Variants in SPATA31C1 observed in about 807,000 individuals in gnomAD.
SPATA31C1 encodes the protein spermatogenesis-associated protein 31C1.
rs761145788 is a variant in SPATA31C1, at chr9:87,922,422, A to T, written n.2812A>T. On this transcript the variant is annotated non_coding_transcript_exon_variant, in exon 5 of 5. Coordinates refer to ENST00000420021, the Ensembl canonical transcript of SPATA31C1. Reference sequence around the variant, plus strand: ...TGGTTTCAAGGCTCCAGGCGCCAGCAAAAGCTCTCTACTCCCTAGAATGTC... The same window carrying T: ...TGGTTTCAAGGCTCCAGGCGCCAGCTAAAGCTCTCTACTCCCTAGAATGTC... The T allele has an allele frequency of 6.8e-6, 11 of 1,610,220 alleles. No homozygotes were observed. The African/African-American group carries it at 9.4e-5, about 14-fold the overall frequency.
exon 5 of SPATA31C1, chr9:87,921,903 G>C: frequency 3.1e-6 from 5 of 1,611,992 alleles, no homozygotes; most frequent in Non-Finnish European, 4.2e-6. Flanking sequence ...ACACAGGTGG[G>C]GTCTACCCCT....
intron 4 of SPATA31C1, 65 bp from the exon 4 acceptor site, chr9:87,920,187 C>A: frequency 6.2e-7 from 1 of 1,604,184 alleles, no homozygotes; most frequent in Non-Finnish European, 8.5e-7. Context: ...GTGGCCCAAG[C>A]GCCCACTCTG....
At chr9:87,920,358 C>G (rs755494100) in exon 5 of SPATA31C1, 10 of 1,613,858 alleles carry the variant, frequency 6.2e-6, no homozygotes, top group Non-Finnish European at 8.5e-6. Context: ...CCGGTCCTCT[C>G]ATGAGCCTAT....
chr9:87,922,169 C>A, exon 5 of SPATA31C1: 3 of 1,613,244 alleles, frequency 1.9e-6, no homozygotes, highest in Non-Finnish European at 2.5e-6. Context: ...CGCGAGGGAT[C>A]CCATCTTCAA....
At chr9:87,921,776 C>A in exon 5 of SPATA31C1, 1 of 1,612,030 alleles carries the variant, frequency 6.2e-7, no homozygotes, top group Non-Finnish European at 8.5e-7. Flanking sequence ...TGAAAACCAG[C>A]AATCTAGCAG....
At chr9:87,921,818 A>G in exon 5 of SPATA31C1, 1 of 1,612,066 alleles carries the variant, frequency 6.2e-7, no homozygotes. Context: ...GTGTAAACAC[A>G]GCCCAGGTGC....
exon 5 of SPATA31C1, chr9:87,921,107 T>G (rs1418830863): frequency 6.2e-7 from 1 of 1,611,620 alleles, no homozygotes; most frequent in Admixed American, 1.7e-5. Flanking sequence ...TACCTGAAAC[T>G]CAGCACCCTG....
chr9:87,920,603 T>C (rs1648048293), exon 5 of SPATA31C1: 2 of 1,613,552 alleles, frequency 1.2e-6, no homozygotes, highest in Non-Finnish European at 8.5e-7. Flanking sequence ...CTCCACCTCC[T>C]CCGAAAGGCT....
chr9:87,916,476 C>T (rs1161446901), intron 1 of SPATA31C1, among the ~76,000 whole-genome samples: 28 of 148,912 alleles, frequency 1.9e-4, no homozygotes, highest in Admixed American at 4.0e-4. Flanking sequence ...AAGTGCAAAC[C>T]ACACCTGATA....
At chr9:87,921,520 T>A in exon 5 of SPATA31C1, 6 of 1,611,882 alleles carry the variant, frequency 3.7e-6, no homozygotes, top group Non-Finnish European at 5.1e-6. Context: ...TCCAGGGGCA[T>A]GGAAAGCTTC....
At chr9:87,922,895 G>C (rs767003629) in exon 5 of SPATA31C1, 41 of 1,605,302 alleles carry the variant, frequency 2.6e-5, no homozygotes, top group Non-Finnish European at 3.4e-5. Flanking sequence ...ACACCCGTCA[G>C]AATGAAGGCG....
At chr9:87,920,375 T>G in exon 5 of SPATA31C1, 2 of 1,548,332 alleles carry the variant, frequency 1.3e-6, no homozygotes, top group African/African-American at 1.8e-5. Context: ...CTATGGAAGA[T>G]GCTGCTCCCA....
chr9:87,921,557 T>G (rs1174709806), exon 5 of SPATA31C1: 2 of 1,611,874 alleles, frequency 1.2e-6, no homozygotes, highest in African/African-American at 1.3e-5. Context: ...GGGCGACCTC[T>G]GAGGAGTCAG....
chr9:87,921,383 C>T (rs773408163), exon 5 of SPATA31C1: 16 of 1,611,668 alleles, frequency 9.9e-6, no homozygotes, highest in Admixed American at 3.3e-5. Context: ...AGGGCAAACC[C>T]AGGCCCTGGC....
At chr9:87,921,945 C>G in exon 5 of SPATA31C1, 2 of 1,612,328 alleles carry the variant, frequency 1.2e-6, no homozygotes, top group Non-Finnish European at 1.7e-6. Context: ...GTGCTTTCAA[C>G]TGGAAAAGGT....
At chr9:87,919,344 G>A (rs1564138592) in exon 3 of SPATA31C1, 6 of 1,602,648 alleles carry the variant, frequency 3.7e-6, no homozygotes, top group African/African-American at 2.7e-5. Context: ...ACCACAGTCT[G>A]AGAGGTAAGG....
In SPATA31C1 at chr9:87,921,120, A is replaced by T. The variant is rs1300520736; in HGVS notation, n.1510A>T. ...CTTACCTGAAACTCAGCACCCTGAA[A>T]GGCCTTTGTTGAGGAAACAACTAGA... On this transcript the variant is annotated non_coding_transcript_exon_variant, in exon 5 of 5. Coordinates refer to ENST00000420021, the Ensembl canonical transcript of SPATA31C1. The T allele has an allele frequency of 2.5e-6, 4 of 1,611,666 alleles. No individual in the cohort carries two copies. The African/African-American group carries it at 4.0e-5, about 16-fold the overall frequency.
At chr9:87,921,193 T>G (rs899120954) in exon 5 of SPATA31C1, 5 of 1,611,914 alleles carry the variant, frequency 3.1e-6, no homozygotes, top group Non-Finnish European at 8.5e-7. Context: ...CAGGACGTCT[T>G]TAGTGTCTCC....
rs1446314867 is a variant in SPATA31C1, at chr9:87,919,609, G to A, written n.580+261G>A. Among the ~76,000 whole-genome samples the A allele has an allele frequency of 5.0e-5, 4 of 79,292 alleles. No individual in the cohort carries two copies. The Admixed American group carries it at 6.4e-4, about 13-fold the overall frequency. The allele number at this position is 79,292 out of a possible 152,430, so 52.0% of individuals were successfully genotyped here. On this transcript the variant is annotated intron_variant and non_coding_transcript_variant, in intron 3 of 4. Transcript: ENST00000420021. ...TGCGGAGGGGGGTGAGGGGCCTCCC[G>A]CTCCCTGGGAACAGCTGTTCAACTC...
Sources: gnomAD v4.1 joint callset for allele counts (sites outside exome capture counted in the v4.1 genomes callset) on GRCh38, gnomAD v4.1.1 for gene constraint, MANE v1.5 for transcripts, NCBI Gene and HGNC (gene_info 2026-07-23, HGNC 2026-07-21) for gene names.